The following DOCK4 variants were observed in gnomAD, a reference collection of about 807,000 sequenced individuals.
DOCK4 encodes dedicator of cytokinesis 4.
In DOCK4, 97 loss-of-function variants were observed where a neutral mutation model predicts 268.1. That is an observed-to-expected ratio of 0.36 (90% CI 0.31 to 0.43). DOCK4 has a LOEUF of 0.43. DOCK4 is among the 20% of genes least tolerant of loss of function. DOCK4 has a pLI of 1.00. For missense variants in DOCK4, 2,145 were observed against 2,455.7 expected, an observed-to-expected ratio of 0.87 and a Z score of 2.67; for synonymous variants, 954 against 887.2, an observed-to-expected ratio of 1.08 and a Z score of -1.34.
intron 12 of DOCK4, among the ~76,000 whole-genome samples, chr7:111,929,873 T>C (rs1794051870): frequency 6.6e-6 from 1 of 152,218 alleles, no homozygotes; most frequent in Non-Finnish European, 1.5e-5. Flanking sequence ...ATTTCATAAA[T>C]ACACAGATAA....
chr7:111,874,943 A>C (rs766034048), intron 17 of DOCK4, among the ~76,000 whole-genome samples: 7 of 152,234 alleles, frequency 4.6e-5, no homozygotes, highest in Non-Finnish European at 1.0e-4. Context: ...ATTGTAGTAG[A>C]AATAAGATTT....
intron 30 of DOCK4, among the ~76,000 whole-genome samples, chr7:111,791,864 T>C (rs1449403477): frequency 6.6e-6 from 1 of 152,144 alleles, no homozygotes; most frequent in African/African-American, 2.4e-5. Context: ...GCCACCAGGC[T>C]GGGCCCCTTG....
chr7:111,953,446 T>G (rs771380298), intron 8 of DOCK4, among the ~76,000 whole-genome samples: 22 of 152,206 alleles, frequency 1.4e-4, no homozygotes, highest in Non-Finnish European at 3.1e-4. Flanking sequence ...TCTATTTCAC[T>G]GCTTCTCCTG....
intron 41 of DOCK4, among the ~76,000 whole-genome samples, chr7:111,756,440 C>G (rs1251911750): frequency 6.6e-6 from 1 of 152,054 alleles, no homozygotes; most frequent in African/African-American, 2.4e-5. Flanking sequence ...AGCATTAGAA[C>G]CTACCCACTA....
intron 13 of DOCK4, among the ~76,000 whole-genome samples, chr7:111,908,653 A>T (rs1791821046): frequency 6.6e-6 from 1 of 151,924 alleles, no homozygotes; most frequent in Non-Finnish European, 1.5e-5. Flanking sequence ...TCTAGGTTTT[A>T]AGCCCCGCAT....
At chr7:112,033,941 A>C (rs1803508775) in intron 1 of DOCK4, among the ~76,000 whole-genome samples, 1 of 152,230 alleles carries the variant, frequency 6.6e-6, no homozygotes, top group Non-Finnish European at 1.5e-5. Context: ...ATAGCATATA[A>C]ACTTACAAAT....
Position 111,901,699 on chromosome 7 carries a change from T to C in DOCK4, c.1295A>G (p.Asp432Gly). 2 of 1,613,718 alleles carry C rather than the reference T, an allele frequency of 1.2e-6. No individual in the cohort carries two copies. The highest frequency in any genetic ancestry group is 1.7e-6 in the Non-Finnish European group (2 of 1,179,796). Residue 432 changes from aspartate to glycine, a missense_variant, in exon 14 of 53, where the codon GAC becomes GGC. By Grantham distance (94) the Asp-to-Gly change is moderately conservative. This residue lies in a region of DOCK4 where 1,598 missense variants were observed against 1,986.7 expected (regional missense o/e 0.80). Coordinates refer to ENST00000428084, the MANE Select transcript of DOCK4 (RefSeq NM_001363540.2). ...RNVEVTMFIV[D>G]SSGQTLKDFI... ...TACCTTCAGGGTTTGGCCACTACTG[T>C]CTACAATGAACATCGTAACTTCCAC...
At chr7:111,951,135 C>T (rs77330948) in intron 8 of DOCK4, among the ~76,000 whole-genome samples, 12,037 of 152,006 alleles carry the variant, frequency 0.079, 709 homozygotes, top group East Asian at 0.37. Flanking sequence ...AAAAACAAAC[C>T]ACAATTATTT....
Position 112,024,575 on chromosome 7 carries a change from C to T in DOCK4, c.38-20444G>A, listed in dbSNP as rs539999538. ...CTCTACTTGTAAAGTATATATCTGGCTATTTCTTGCCCCTTGCACCAAAGC... is the reference window on the plus strand; with the variant it reads ...CTCTACTTGTAAAGTATATATCTGGTTATTTCTTGCCCCTTGCACCAAAGC... On this transcript the variant is annotated intron_variant, in intron 1 of 52. Coordinates refer to ENST00000428084, the MANE Select transcript of DOCK4 (RefSeq NM_001363540.2). Among the ~76,000 whole-genome samples, 9 of 152,256 alleles carry T rather than the reference C, an allele frequency of 5.9e-5. No individual in the cohort carries two copies. The East Asian group carries it at 1.7e-3, about 29-fold the overall frequency.
At chr7:112,065,410 C>A (rs1229343827) in intron 1 of DOCK4, among the ~76,000 whole-genome samples, 1 of 151,922 alleles carries the variant, frequency 6.6e-6, no homozygotes, top group Admixed American at 6.6e-5. Flanking sequence ...TCCCTCAGTG[C>A]CTTGCCTTCA....
intron 25 of DOCK4, among the ~76,000 whole-genome samples, chr7:111,840,347 T>C (rs1030632917): frequency 1.3e-5 from 2 of 152,170 alleles, no homozygotes; most frequent in African/African-American, 2.4e-5. Context: ...CCCAGAAGAA[T>C]CACATGCTCC....
rs556497186 is a variant in DOCK4 at position 111,859,813 on chromosome 7, C to T, written c.2473+3559G>A. ...CGATCTTCTGACCTCGTGATCCGCC[C>T]GCCTCGGCCTCCCAAAGTGCTGGGA... is the stretch of plus-strand genomic sequence containing the variant. On this transcript the variant is annotated intron_variant, in intron 23 of 52. Coordinates refer to ENST00000428084, the MANE Select transcript of DOCK4 (RefSeq NM_001363540.2). 1.4e-3 allele frequency among the ~76,000 whole-genome samples: 219 copies of T among 152,082 alleles called. 2 individuals carry two copies. Among genetic ancestry groups the T allele is most frequent in the African/African-American group, 4.8e-3 (200 of 41,488 alleles).
At chr7:111,917,274 C>T (rs1370191972) in intron 12 of DOCK4, among the ~76,000 whole-genome samples, 1 of 151,964 alleles carries the variant, frequency 6.6e-6, no homozygotes, top group Non-Finnish European at 1.5e-5. Flanking sequence ...GTGTGAGCCA[C>T]CGCGCCTGGC....
intron 23 of DOCK4, among the ~76,000 whole-genome samples, chr7:111,848,516 C>G (rs1242359247): frequency 6.6e-6 from 1 of 152,208 alleles, no homozygotes; most frequent in Non-Finnish European, 1.5e-5. Flanking sequence ...TTCACAGATG[C>G]ATTCTCTTCT....
intron 23 of DOCK4, among the ~76,000 whole-genome samples, chr7:111,853,288 C>T (rs566837315): frequency 2.0e-5 from 3 of 152,250 alleles, no homozygotes; most frequent in South Asian, 2.1e-4. Context: ...AAGGGTTGGC[C>T]GTTACATTCC....
At position 112,127,269 on chromosome 7, in the gene DOCK4, A is replaced by G. The variant is rs566489873; in HGVS notation, c.37+78833T>C. Among the ~76,000 whole-genome samples, 497 of 152,044 alleles carry G rather than the reference A, an allele frequency of 3.3e-3. 1 individual carries two copies. Among genetic ancestry groups the G allele is most frequent in the Non-Finnish European group, 6.1e-3 (418 of 67,974 alleles). On this transcript the variant is annotated intron_variant, in intron 1 of 52. Coordinates refer to ENST00000428084, the MANE Select transcript of DOCK4 (RefSeq NM_001363540.2). ...GTTCATGTCCTTTGTAGGGACATGG[A>G]TGAAACTGGAAATCATCATTCTCAG...
intron 16 of DOCK4, among the ~76,000 whole-genome samples, chr7:111,884,814 G>A (rs568241749): frequency 6.6e-6 from 1 of 152,164 alleles, no homozygotes; most frequent in African/African-American, 2.4e-5. Flanking sequence ...TTCATTCAAC[G>A]ACAAGGGATA....
At chr7:112,179,144 T>C (rs13246002) in intron 1 of DOCK4, among the ~76,000 whole-genome samples, 20,555 of 152,174 alleles carry the variant, frequency 0.14, 1,521 homozygotes, top group South Asian at 0.23. Context: ...CTCAGCACTT[T>C]AGAAGGCTGA....
chr7:112,068,833 G>A (rs770142773), intron 1 of DOCK4, among the ~76,000 whole-genome samples: 1 of 152,156 alleles, frequency 6.6e-6, no homozygotes, highest in Non-Finnish European at 1.5e-5. Flanking sequence ...AGAGCCCTGA[G>A]ATGTAGGATC....
Sources: allele counts gnomAD v4.1 joint callset (sites outside exome capture counted in the v4.1 genomes callset), GRCh38; gene constraint gnomAD v4.1.1; regional missense constraint gnomAD v4.1.1; transcripts MANE v1.5; gene names NCBI Gene and HGNC (gene_info 2026-07-23, HGNC 2026-07-21).